Variants in SNX30 observed in about 807,000 individuals in gnomAD.
The protein encoded by SNX30 is sorting nexin family member 30.
SNX30 carries 24 observed loss-of-function variants against 46.4 expected under a neutral mutation model. That is an observed-to-expected ratio of 0.52 (90% CI 0.37 to 0.73). SNX30 has a LOEUF of 0.73. SNX30 is among the 30% of genes least tolerant of loss of function. SNX30 has a pLI of 0.00. For missense variants in SNX30, 533 were observed against 555.7 expected (o/e 0.96, Z 0.41); for synonymous variants, 189 against 211.5 (o/e 0.89, Z 0.92).
chr9:112,811,038 A>G (rs1385471899), intron 2 of SNX30, among the ~76,000 whole-genome samples: 1 of 152,164 alleles, frequency 6.6e-6, no homozygotes, highest in Non-Finnish European at 1.5e-5. Context: ...CAGAATTTGA[A>G]TGGGCAGAAG....
At chr9:112,766,279 T>A (rs997590913) in intron 1 of SNX30, among the ~76,000 whole-genome samples, 2 of 152,220 alleles carry the variant, frequency 1.3e-5, no homozygotes, top group African/African-American at 4.8e-5. Context: ...TGAATAATAC[T>A]TCATTTTATG....
At chr9:112,825,876 C>T (rs973851301) in intron 3 of SNX30, among the ~76,000 whole-genome samples, 4 of 151,930 alleles carry the variant, frequency 2.6e-5, no homozygotes, top group Admixed American at 1.3e-4. Context: ...AGGTGTGTCC[C>T]GTAAGGAATC....
At chr9:112,806,889 A>G (rs993028767) in intron 2 of SNX30, among the ~76,000 whole-genome samples, 1 of 151,840 alleles carries the variant, frequency 6.6e-6, no homozygotes, top group African/African-American at 2.4e-5. Flanking sequence ...GTTCCCTTCC[A>G]TTTTATAGTA....
At chr9:112,810,554 T>C (rs979917073) in intron 2 of SNX30, among the ~76,000 whole-genome samples, 4 of 152,100 alleles carry the variant, frequency 2.6e-5, no homozygotes, top group Admixed American at 1.3e-4. Flanking sequence ...ACCAAGGATG[T>C]TGGGAAGAGG....
chr9:112,831,769 C>A (rs565874300), intron 4 of SNX30, among the ~76,000 whole-genome samples: 16 of 152,330 alleles, frequency 1.1e-4, no homozygotes, highest in Admixed American at 2.0e-4. Context: ...GTTGGTTGTC[C>A]ACTGGCCTTT....
At position 112,841,964 on chromosome 9, in the gene SNX30, G is replaced by A. The variant is rs139689436; in HGVS notation, c.1014+3267G>A. On this transcript the variant is annotated intron_variant, in intron 6 of 8. Transcript: ENST00000374232. ...TGTGGCCTGTTCTTTATTTTTTGGAGATGGACTCTTGCTCTGTCGCCCAGG... is the reference window on the plus strand; with the variant it reads ...TGTGGCCTGTTCTTTATTTTTTGGAAATGGACTCTTGCTCTGTCGCCCAGG... Among the ~76,000 whole-genome samples the A allele has an allele frequency of 3.1e-4, 47 of 152,288 alleles. No individual in the cohort carries two copies. In the East Asian group the frequency reaches 7.9e-3, roughly 26 times the overall value.
At chr9:112,779,738 G>A (rs1839815883) in intron 1 of SNX30, among the ~76,000 whole-genome samples, 1 of 152,184 alleles carries the variant, frequency 6.6e-6, no homozygotes, top group Non-Finnish European at 1.5e-5. Flanking sequence ...GCTGAAGGGT[G>A]AGGGCAGGTG....
intron 8 of SNX30, among the ~76,000 whole-genome samples, chr9:112,868,149 T>C (rs146582091): frequency 3.7e-4 from 57 of 152,276 alleles, no homozygotes; most frequent in African/African-American, 1.3e-3. Flanking sequence ...ATGTGTCGAG[T>C]AATAATTCTC....
intron 1 of SNX30, among the ~76,000 whole-genome samples, chr9:112,755,537 G>A (rs973571203): frequency 6.6e-6 from 1 of 152,050 alleles, no homozygotes; most frequent in African/African-American, 2.4e-5. Context: ...TTGAGCAGGA[G>A]GGGGGCATAG....
downstream of SNX30, chr9:112,879,044 T>G (rs1841547409): frequency 6.6e-6 from 1 of 152,148 alleles, no homozygotes; most frequent in Admixed American, 6.5e-5. Flanking sequence ...CACCACCCAC[T>G]TTGGGAAGCA....
intron 3 of SNX30, among the ~76,000 whole-genome samples, chr9:112,821,900 T>C (rs1840504696): frequency 1.3e-5 from 2 of 152,038 alleles, no homozygotes; most frequent in South Asian, 4.1e-4. Flanking sequence ...CAAGCGATTC[T>C]CCCACCTCAA....
chr9:112,832,894 T>G (rs1036948839), intron 4 of SNX30, among the ~76,000 whole-genome samples: 1 of 148,400 alleles, frequency 6.7e-6, no homozygotes, highest in Non-Finnish European at 1.5e-5. Flanking sequence ...ATATATAAGG[T>G]CCTTTACTGC....
chr9:112,768,293 C>T (rs1839578804), intron 1 of SNX30, among the ~76,000 whole-genome samples: 1 of 152,192 alleles, frequency 6.6e-6, no homozygotes, highest in Admixed American at 6.5e-5. Context: ...TCGATGTTTC[C>T]AGCCGACATC....
At chr9:112,796,500 C>T (rs1337456279) in intron 1 of SNX30, among the ~76,000 whole-genome samples, 2 of 152,158 alleles carry the variant, frequency 1.3e-5, no homozygotes, top group African/African-American at 4.8e-5. Flanking sequence ...TTGGACTCTG[C>T]AGTCACGTCC....
intron 3 of SNX30, among the ~76,000 whole-genome samples, chr9:112,820,671 A>G (rs537334639): frequency 6.6e-6 from 1 of 152,144 alleles, no homozygotes; most frequent in South Asian, 2.1e-4. Context: ...GAAACCTCAC[A>G]TCCCTTAGCT....
At chr9:112,788,588 C>T (rs147497481) in intron 1 of SNX30, among the ~76,000 whole-genome samples, 1 of 152,256 alleles carries the variant, frequency 6.6e-6, no homozygotes, top group African/African-American at 2.4e-5. Flanking sequence ...ACTCGAGGGA[C>T]CTCATGCTTG....
chr9:112,811,051 C>T (rs535852618), intron 2 of SNX30, among the ~76,000 whole-genome samples: 60 of 152,194 alleles, frequency 3.9e-4, no homozygotes, highest in African/African-American at 1.2e-3. Flanking sequence ...GGCAGAAGAA[C>T]GACAAGACTT....
chr9:112,824,406 A>C (rs1234984961), intron 3 of SNX30, among the ~76,000 whole-genome samples: 1 of 152,184 alleles, frequency 6.6e-6, no homozygotes, highest in East Asian at 1.9e-4. Flanking sequence ...AGAAAATATT[A>C]ACCATATTGA....
chr9:112,757,119 T>C (rs934431556), intron 1 of SNX30, among the ~76,000 whole-genome samples: 1 of 152,252 alleles, frequency 6.6e-6, no homozygotes, highest in Non-Finnish European at 1.5e-5. Context: ...ATCTGCTATT[T>C]TGTATCCGTT....
Sources: gnomAD v4.1 joint callset for allele counts (sites outside exome capture counted in the v4.1 genomes callset) on GRCh38, gnomAD v4.1.1 for gene constraint, MANE v1.5 for transcripts, NCBI Gene and HGNC (gene_info 2026-07-23, HGNC 2026-07-21) for gene names.